The following MAPT variants were observed in gnomAD, a reference collection of about 807,000 sequenced individuals.
The protein encoded by MAPT is microtubule associated protein tau, also known as microtubule-associated protein tau.
A neutral mutation model predicts 67.9 loss-of-function variants in MAPT; 34 were observed. The ratio of observed to expected loss-of-function variants is 0.50; its 90% CI spans 0.38 to 0.67. The LOEUF (loss-of-function observed/expected upper bound fraction) is 0.67. Ranked by LOEUF, MAPT falls within the 30% of genes least tolerant of loss-of-function variation. The probability of loss-of-function intolerance (pLI) is 0.00; values close to 1 mark genes in which losing one functional copy is unlikely to be tolerated. For synonymous variants in MAPT, 456 were observed against 464.5 expected, an observed-to-expected ratio of 0.98 and a Z score of 0.23; for missense variants, 881 against 1,115.2, an observed-to-expected ratio of 0.79 and a Z score of 2.99.
At chr17:45,945,908 T>A (rs549591004) in intron 1 of MAPT, among the ~76,000 whole-genome samples, 2 of 152,314 alleles carry the variant, frequency 1.3e-5, no homozygotes, top group African/African-American at 4.8e-5. Context: ...TGGTGCCATG[T>A]AGGGAAAATT....
chr17:45,950,546 T>G lies in MAPT; in HGVS notation c.-17-11775T>G, dbSNP rs553568657. ...CCAGGCTCCTTCCTCGGCCACGCAC[T>G]CCCCTTCCTGCACACACACCCTTCT... On this transcript the variant is annotated intron_variant, in intron 1 of 12. Coordinates refer to ENST00000262410, the MANE Select transcript of MAPT (RefSeq NM_001377265.1). Among the ~76,000 whole-genome samples the G allele has an allele frequency of 2.6e-5, 4 of 152,234 alleles. No homozygotes were observed. In the East Asian group the frequency reaches 7.7e-4, roughly 29 times the overall value.
rs866314801 is a variant in MAPT at position 46,024,233 on chromosome 17, A to G, written c.*62A>G. The G allele has an allele frequency of 6.8e-7, 1 of 1,478,556 alleles. No homozygotes were observed. The allele number at this position is 1,478,556 out of a possible 1,614,324, so 91.6% of individuals were successfully genotyped here. ...GAGAATGAGAGAGTGTGGAAAAAAA[A>G]AGAATAATGACCCGGCCCCCGCCCT... On this transcript the variant is annotated 3_prime_UTR_variant, in exon 13 of 13. Coordinates refer to ENST00000262410, the MANE Select transcript of MAPT (RefSeq NM_001377265.1).
rs985124431 is a variant in MAPT at position 45,994,091 on chromosome 17, G to A, written c.1733-2308G>A. ...TTTCTGCAATGCAGGGTTCACACAG[G>A]GTTCGCAGCCTGAAGATGGAGCAGT... On this transcript the variant is annotated intron_variant, in intron 8 of 12. Coordinates refer to ENST00000262410, the MANE Select transcript of MAPT (RefSeq NM_001377265.1). The A allele has an allele frequency of 5.9e-6, 6 of 1,009,126 alleles. No homozygotes were observed. The African/African-American group carries it at 6.5e-5, about 11-fold the overall frequency. 62.5% of individuals were successfully genotyped at this position (1,009,126 alleles called of 1,614,324 possible).
In MAPT at chr17:45,915,097, G is replaced by C. The variant is rs62056849; in HGVS notation, c.-18+20411G>C. ...GAAAGGATGAAAATATCCGGAAGAA[G>C]GGTTCTTTTAAAAGGCTCCTCAAGT... On this transcript the variant is annotated intron_variant, in intron 1 of 12. Coordinates refer to ENST00000262410, the MANE Select transcript of MAPT (RefSeq NM_001377265.1). This position sits in a 1 kb window ranked among gnomAD's most constrained non-coding sequence, Gnocchi z 4.4. Among the ~76,000 whole-genome samples the C allele has an allele frequency of 0.14, 21,785 of 152,166 alleles. 2,115 individuals are homozygous for C. Among genetic ancestry groups the C allele is most frequent in the Middle Eastern group, 0.22 (64 of 294 alleles).
In MAPT at chr17:46,024,121, G is replaced by A. The variant is rs764874119; in HGVS notation, c.2452G>A (p.Ala818Thr). ...CGACATGGTAGACTCGCCCCAGCTC[G>A]CCACGCTAGCTGACGAGGTGTCTGC... ...SIDMVDSPQLATLADEVSASL... is the reference protein window; with the variant it reads ...SIDMVDSPQLTTLADEVSASL... The change falls in exon 13 of 13, where the codon GCC (alanine) becomes ACC (threonine). Residue 818 changes from alanine to threonine, a missense_variant. Physicochemically the swap from Ala to Thr is moderately conservative, Grantham distance 58. Transcript: ENST00000262410. 74 of 1,614,100 alleles carry A rather than the reference G, an allele frequency of 4.6e-5. No homozygotes were observed. Among genetic ancestry groups the A allele is most frequent in the Middle Eastern group, 1.6e-4 (1 of 6,062 alleles).
chr17:45,953,011 T>C (rs1468838521), intron 1 of MAPT, among the ~76,000 whole-genome samples: 3 of 151,244 alleles, frequency 2.0e-5, no homozygotes, highest in African/African-American at 7.3e-5. Context: ...CCTATGATGA[T>C]GATGATGATG....
chr17:45,974,133 C>T, intron 3 of MAPT: 1 of 561,246 alleles, frequency 1.8e-6, no homozygotes. Flanking sequence ...GCAGCGTTTA[C>T]ACAGGGCTGC....
chr17:45,964,646 T>C (rs1380920564), intron 2 of MAPT, among the ~76,000 whole-genome samples: 2 of 151,832 alleles, frequency 1.3e-5, no homozygotes, highest in Non-Finnish European at 2.9e-5. Flanking sequence ...ATCCCACCAC[T>C]GCACTCCAGC....
intron 9 of MAPT, among the ~76,000 whole-genome samples, chr17:45,998,079 T>C (rs564405320): frequency 6.6e-6 from 1 of 152,208 alleles, no homozygotes; most frequent in South Asian, 2.1e-4. Context: ...CTCGGGGAGC[T>C]AGGGGGCTTT....
At chr17:45,964,614 G>A (rs541741270) in intron 2 of MAPT, among the ~76,000 whole-genome samples, 1 of 151,952 alleles carries the variant, frequency 6.6e-6, no homozygotes, top group African/African-American at 2.4e-5. Context: ...AGCCCAGGAG[G>A]CGGAGGTTGC....
At chr17:46,009,043 C>CA (rs2075642561) in intron 9 of MAPT, among the ~76,000 whole-genome samples, 1 of 151,998 alleles carries the variant, frequency 6.6e-6, no homozygotes, top group South Asian at 2.1e-4. Context: ...ACAAAAAATA[C>CA]AAAAAATTTG....
intron 1 of MAPT, among the ~76,000 whole-genome samples, chr17:45,941,745 T>TCCTGCCTTCCTTCCTTCCTG (rs2068013806): frequency 6.9e-6 from 1 of 144,154 alleles, no homozygotes; most frequent in Admixed American, 7.1e-5. Flanking sequence ...CTTCCTTCCT[T>TCCTGCCTTCCTTCCTTCCTG]CCTTCCTTCC....
In MAPT at chr17:45,960,393, AT is replaced by A. The variant is rs558850354; in HGVS notation, c.-17-1927del. On this transcript the variant is annotated intron_variant, in intron 1 of 12. Transcript: ENST00000262410. ...AGTGCCTCACTCCCGTACAGCCCCCATAGAGGAAGAGGGGTTCAAATTTATT... is the reference window on the plus strand; with the variant it reads ...AGTGCCTCACTCCCGTACAGCCCCCAAGAGGAAGAGGGGTTCAAATTTATT... 2.2e-4 allele frequency among the ~76,000 whole-genome samples: 34 copies of A among 152,314 alleles called. No homozygotes were observed. In the South Asian group the frequency reaches 6.8e-3, roughly 31 times the overall value.
At chr17:46,007,372 A>G (rs1342902109) in intron 9 of MAPT, among the ~76,000 whole-genome samples, 19 of 152,124 alleles carry the variant, frequency 1.2e-4, no homozygotes, top group Admixed American at 1.2e-3. Flanking sequence ...CGGTAGTTCC[A>G]GCTACTTGGG....
chr17:45,909,822 A>T (rs538180815), intron 1 of MAPT, among the ~76,000 whole-genome samples: 1 of 139,954 alleles, frequency 7.1e-6, no homozygotes, highest in Non-Finnish European at 1.5e-5. Flanking sequence ...GTGAGCTGAG[A>T]TGGTGCCACT....
intron 3 of MAPT, chr17:45,974,384 G>T: frequency 6.3e-7 from 1 of 1,598,188 alleles, no homozygotes. Context: ...GTGGTTTCTA[G>T]ATGTGACAGC....
chr17:45,911,782 CA>C (rs887282317), intron 1 of MAPT, among the ~76,000 whole-genome samples: 12 of 145,168 alleles, frequency 8.3e-5, no homozygotes, highest in Middle Eastern at 3.6e-3. Context: ...AAACAAACAA[CA>C]AAAAAAAAGG....
At chr17:45,958,398 A>T (rs1207451584) in intron 1 of MAPT, among the ~76,000 whole-genome samples, 1 of 152,238 alleles carries the variant, frequency 6.6e-6, no homozygotes, top group Non-Finnish European at 1.5e-5. Context: ...CATTAGAATA[A>T]GCACTGAGAC....
Position 45,987,082 on chromosome 17 carries a change from A to G in MAPT, c.1394A>G (p.Asp465Gly), listed in dbSNP as rs1405633101. Reference sequence around the variant, plus strand: ...AGCAAAGACGGGACTGGAAGCGATGACAAAAAAGCCAAGGTAAGCTGACGA... The same window carrying G: ...AGCAAAGACGGGACTGGAAGCGATGGCAAAAAAGCCAAGGTAAGCTGACGA... The part of the protein sequence containing the change: ...SKSKDGTGSD[D>G]KKAKTSTRSS... Residue 465 changes from aspartate (D) to glycine (G), a missense_variant, in exon 6 of 13, where the codon GAC becomes GGC. Physicochemically the swap from Asp to Gly is moderately conservative, Grantham distance 94. Transcript: ENST00000262410. 4.3e-6 allele frequency: 7 copies of G among 1,613,960 alleles called. No individual in the cohort carries two copies. In the Admixed American group the frequency reaches 8.3e-5, roughly 19 times the overall value.
Sources: gnomAD v4.1 joint callset for allele counts (sites outside exome capture counted in the v4.1 genomes callset) on GRCh38, gnomAD v4.1.1 for gene constraint, Gnocchi (gnomAD v3.1) non-coding constraint, MANE v1.5 for transcripts, NCBI Gene and HGNC (gene_info 2026-07-23, HGNC 2026-07-21) for gene names.